The following TBC1D5 variants were observed in gnomAD, a reference collection of about 807,000 sequenced individuals.
The protein encoded by TBC1D5 is TBC1 domain family, member 5.
A neutral mutation model predicts 100.3 loss-of-function variants in TBC1D5; 75 were observed. The observed-to-expected ratio is 0.75, with a 90% CI of 0.62 to 0.91. The LOEUF (loss-of-function observed/expected upper bound fraction) is 0.91. Among genes scored for constraint, TBC1D5 ranks in the 40% least tolerant of loss-of-function variants. The pLI is 0.00. For missense variants in TBC1D5, 910 were observed against 942.4 expected (o/e 0.97, Z 0.45); for synonymous variants, 323 against 325.6 (o/e 0.99, Z 0.09).
chr3:17,440,945 A>C (rs766335573), intron 3 of TBC1D5, among the ~76,000 whole-genome samples: 3 of 152,178 alleles, frequency 2.0e-5, no homozygotes, highest in Non-Finnish European at 4.4e-5. Context: ...TCCCACCAAA[A>C]AGATTCGTTT....
In TBC1D5 at chr3:17,374,081, A is replaced by G. The variant is rs2092597183; in HGVS notation, c.822+390T>C. ...TAAGAGTAAGGGATATTGATGCTAA[A>G]TGTATGAATTCAATAGCAACGCACT... On this transcript the variant is annotated intron_variant, in intron 12 of 21. Coordinates refer to ENST00000253692, the Ensembl canonical transcript of TBC1D5. Among the ~76,000 whole-genome samples, 3 of 152,254 alleles carry G rather than the reference A, an allele frequency of 2.0e-5. No individual in the cohort carries two copies. In the South Asian group the frequency reaches 6.2e-4, roughly 32 times the overall value.
chr3:17,477,090 TTTG>T (rs923429195), intron 3 of TBC1D5, among the ~76,000 whole-genome samples: 6 of 151,934 alleles, frequency 3.9e-5, no homozygotes, highest in African/African-American at 1.4e-4. Context: ...CAATCCACAG[TTTG>T]TTAACAGTTA....
chr3:17,436,579 A>G (rs1458115637), intron 3 of TBC1D5, among the ~76,000 whole-genome samples: 1 of 152,200 alleles, frequency 6.6e-6, no homozygotes, highest in African/African-American at 2.4e-5. Flanking sequence ...AGTCTTGTGC[A>G]GCCCTTATAA....
intron 1 of TBC1D5, among the ~76,000 whole-genome samples, chr3:17,722,299 T>G (rs150644347): frequency 3.3e-5 from 5 of 152,314 alleles, no homozygotes; most frequent in African/African-American, 1.2e-4. Context: ...TGTTTCAGAT[T>G]TTTTTTCAAA....
chr3:17,705,367 C>A lies in TBC1D5; in HGVS notation c.-101+33976G>T, dbSNP rs1429025980. 8.0e-4 allele frequency among the ~76,000 whole-genome samples: 104 copies of A among 129,650 alleles called. 1 individual carries two copies. Among genetic ancestry groups the A allele is most frequent in the African/African-American group, 2.7e-3 (97 of 35,376 alleles). 85.1% of individuals were successfully genotyped at this position (129,650 alleles called of 152,430 possible). A position where few individuals can be genotyped will look rare whatever the true frequency, so the allele number is the denominator to read the frequency against. ...GGCTGACCCCCCCCCACCTCCCTCC[C>A]GGACGGGGTGGCTGCCGGGCGGAGA... On this transcript the variant is annotated intron_variant, in intron 1 of 21. Transcript: ENST00000253692.
rs540998969 is a variant in TBC1D5, at chr3:17,532,389, G to A, written c.-35-23784C>T. Among the ~76,000 whole-genome samples, 15 of 152,274 alleles carry A rather than the reference G, an allele frequency of 9.9e-5. No homozygotes were observed. The East Asian group carries it at 1.9e-3, about 20-fold the overall frequency. On this transcript the variant is annotated intron_variant, in intron 2 of 21. Coordinates refer to ENST00000253692, the Ensembl canonical transcript of TBC1D5. ...AGGAACACTTTTACACTGTTGGTGG[G>A]ACTGTAAACTAGTTCAACCATTGTG... is the stretch of plus-strand genomic sequence containing the variant.
intron 2 of TBC1D5, among the ~76,000 whole-genome samples, chr3:17,572,413 A>C (rs1247018307): frequency 6.6e-6 from 1 of 151,566 alleles, no homozygotes; most frequent in Non-Finnish European, 1.5e-5. Flanking sequence ...ACTTTAACTT[A>C]CTTTCTCTCC....
chr3:17,554,446 T>C (rs1184127235), intron 2 of TBC1D5, among the ~76,000 whole-genome samples: 1 of 152,148 alleles, frequency 6.6e-6, no homozygotes, highest in African/African-American at 2.4e-5. Flanking sequence ...GATAGTGAAA[T>C]GGCAAAAGAA....
intron 19 of TBC1D5, among the ~76,000 whole-genome samples, chr3:17,169,573 G>A (rs1450490895): frequency 6.6e-6 from 1 of 152,120 alleles, no homozygotes; most frequent in Non-Finnish European, 1.5e-5. Flanking sequence ...CTATTAGAAT[G>A]GCCTGCTCCA....
chr3:17,630,353 G>C (rs1172991960), intron 1 of TBC1D5, among the ~76,000 whole-genome samples: 1 of 152,132 alleles, frequency 6.6e-6, no homozygotes. Context: ...TTTTCCAACA[G>C]TATGTGCTCA....
At chr3:17,632,483 T>C (rs529364309) in intron 1 of TBC1D5, among the ~76,000 whole-genome samples, 20 of 152,338 alleles carry the variant, frequency 1.3e-4, no homozygotes, top group East Asian at 9.6e-4. Context: ...TAAACTCAAT[T>C]TTGAAAGAAG....
intron 13 of TBC1D5, among the ~76,000 whole-genome samples, chr3:17,320,627 AATAAC>A (rs1341871293): frequency 2.0e-5 from 3 of 152,310 alleles, no homozygotes; most frequent in African/African-American, 7.2e-5. Context: ...CTCCCCACCT[AATAAC>A]ATAACACTCA....
intron 16 of TBC1D5, among the ~76,000 whole-genome samples, chr3:17,248,300 T>G (rs2076913319): frequency 6.7e-6 from 1 of 149,432 alleles, no homozygotes. Flanking sequence ...CCTGATGTCT[T>G]GAATCCCTCT....
chr3:17,325,821 CTA>C (rs1430743298), intron 13 of TBC1D5, among the ~76,000 whole-genome samples: 4 of 152,102 alleles, frequency 2.6e-5, no homozygotes, highest in African/African-American at 9.7e-5. Flanking sequence ...TACGTATTGA[CTA>C]TAGACACGTA....
chr3:17,695,286 A>G (rs2153836461), intron 1 of TBC1D5, among the ~76,000 whole-genome samples: 1 of 152,340 alleles, frequency 6.6e-6, no homozygotes, highest in Non-Finnish European at 1.5e-5. Flanking sequence ...GCCCCAATTA[A>G]AAGACGCGGA....
exon 18 of TBC1D5, chr3:17,214,253 A>C: frequency 1.2e-6 from 2 of 1,613,538 alleles, no homozygotes; most frequent in East Asian, 2.2e-5. Context: ...AGAACGTGAG[A>C]TGTTGCTAAA....
intron 2 of TBC1D5, among the ~76,000 whole-genome samples, chr3:17,545,618 AT>A (rs1397271220): frequency 2.0e-5 from 3 of 152,266 alleles, no homozygotes; most frequent in African/African-American, 7.2e-5. Flanking sequence ...ATGACTTATT[AT>A]ATAAGAAAAC....
At chr3:17,535,525 G>T (rs907358305) in intron 2 of TBC1D5, among the ~76,000 whole-genome samples, 4 of 152,070 alleles carry the variant, frequency 2.6e-5, no homozygotes, top group Non-Finnish European at 2.9e-5. Context: ...GCCTGTCAAT[G>T]TTTCCATTAT....
intron 19 of TBC1D5, among the ~76,000 whole-genome samples, chr3:17,183,909 T>A (rs1157930460): frequency 6.6e-6 from 1 of 152,154 alleles, no homozygotes; most frequent in Non-Finnish European, 1.5e-5. Flanking sequence ...GTGGGATGCA[T>A]CCTGATTTCT....
Sources: gnomAD v4.1 joint callset for allele counts (sites outside exome capture counted in the v4.1 genomes callset) on GRCh38, gnomAD v4.1.1 for gene constraint, MANE v1.5 for transcripts, NCBI Gene and HGNC (gene_info 2026-07-23, HGNC 2026-07-21) for gene names.